LCA5L: variants seen among roughly 807,000 people sequenced by gnomAD.
The protein encoded by LCA5L is lebercilin LCA5 like, also known as lebercilin-like protein.
In LCA5L, 35 loss-of-function variants were observed where a neutral mutation model predicts 45.4. The ratio of observed to expected loss-of-function variants is 0.77; its 90% CI spans 0.59 to 1.02. The LOEUF is 1.02. LCA5L is among the 50% of genes least tolerant of loss of function. LCA5L has a pLI of 0.00. For missense variants in LCA5L, 668 were observed against 761.6 expected, an observed-to-expected ratio of 0.88 and a Z score of 1.45; for synonymous variants, 233 against 264.7, an observed-to-expected ratio of 0.88 and a Z score of 1.16.
chr21:39,431,488 A>C (rs2075714302), intron 3 of LCA5L, among the ~76,000 whole-genome samples: 1 of 151,676 alleles, frequency 6.6e-6, no homozygotes, highest in Non-Finnish European at 1.5e-5. Context: ...TTGTTGGTGG[A>C]ATGGATGAGT....
At chr21:39,415,949 G>A (rs2041070678) in intron 7 of LCA5L, among the ~76,000 whole-genome samples, 1 of 152,136 alleles carries the variant, frequency 6.6e-6, no homozygotes, top group Admixed American at 6.5e-5. Context: ...GCATGAGTAG[G>A]TGGTGGTGTG....
At chr21:39,426,949 A>T (rs1310370123) in intron 5 of LCA5L, among the ~76,000 whole-genome samples, 5 of 152,252 alleles carry the variant, frequency 3.3e-5, no homozygotes, top group African/African-American at 1.2e-4. Flanking sequence ...ACACACATAG[A>T]CACAAAAAAA....
At chr21:39,443,058 G>C (rs1341384313) in intron 2 of LCA5L, among the ~76,000 whole-genome samples, 1 of 152,194 alleles carries the variant, frequency 6.6e-6, no homozygotes, top group Non-Finnish European at 1.5e-5. Flanking sequence ...AGAGTGAAAT[G>C]GGGGCAGCAG....
intron 5 of LCA5L, chr21:39,427,771 C>T (rs1050673755): frequency 6.5e-6 from 1 of 154,026 alleles, no homozygotes; most frequent in Non-Finnish European, 1.4e-5. Flanking sequence ...GACTTGGAGA[C>T]CATCCTCTTG....
rs745570499 is a variant in LCA5L at position 39,420,729 on chromosome 21, T to C, written c.952A>G (p.Lys318Glu). 3.1e-6 allele frequency: 5 copies of C among 1,612,524 alleles called. No homozygotes were observed. The South Asian group carries it at 4.4e-5, about 14-fold the overall frequency. Residue 318 changes from lysine to glutamate, a missense_variant, in exon 7 of 11, where the codon AAA becomes GAA. Transcript: ENST00000288350. ...ACCTTAAGTTTTTGTTGAAGGTGTT[T>C]TACTTCCACCTGCAGAGTCTTGGTA... ...TATKTLQVEV[K>E]HLQQKLKEKD... is the part of the protein sequence containing the mutation.
At chr21:39,419,960 CTAAGA>C (rs1194569994) in intron 7 of LCA5L, among the ~76,000 whole-genome samples, 1 of 152,022 alleles carries the variant, frequency 6.6e-6, no homozygotes, top group African/African-American at 2.4e-5. Flanking sequence ...TTAAGTAAAA[CTAAGA>C]TAAATTTATG....
At chr21:39,416,561 G>A (rs1370411186) in intron 7 of LCA5L, among the ~76,000 whole-genome samples, 1 of 152,078 alleles carries the variant, frequency 6.6e-6, no homozygotes, top group African/African-American at 2.4e-5. Context: ...GGGTGCTGGA[G>A]GTGTTCATTG....
intron 10 of LCA5L, among the ~76,000 whole-genome samples, chr21:39,407,473 C>T (rs867895948): frequency 7.9e-5 from 12 of 152,230 alleles, no homozygotes; most frequent in African/African-American, 2.9e-4. Flanking sequence ...AACGAACCTA[C>T]AAAAAATAGA....
At chr21:39,420,570 G>T in intron 7 of LCA5L, 136 bp downstream of exon 7, 1 of 557,074 alleles carries the variant, frequency 1.8e-6, no homozygotes, top group Non-Finnish European at 2.9e-6. Context: ...TGGGGGCCCA[G>T]GCCCCCTACA....
chr21:39,414,713 C>CCTCTCTCTCTCT (rs147915021), intron 7 of LCA5L, among the ~76,000 whole-genome samples: 1 of 119,882 alleles, frequency 8.3e-6, no homozygotes, highest in African/African-American at 3.3e-5. Context: ...TGGTTCTCTC[C>CCTCTCTCTCTCT]CTCTCTCTCT....
chr21:39,428,310 T>G lies in LCA5L; in HGVS notation c.184A>C (p.Ser62Arg). 1 of 1,613,438 alleles carries G rather than the reference T, an allele frequency of 6.2e-7. No individual in the cohort carries two copies. The highest frequency in any genetic ancestry group is 8.5e-7 in the Non-Finnish European group (1 of 1,179,596). ...SRSQCSCGSL[S>R]SQYDYSEDFL... is the part of the protein sequence containing the mutation. ...TCTTCTGAATAATCATACTGAGAAC[T>G]TAAACTTCCACAGGAGCACTGAGAT... Residue 62 changes from serine to arginine, a missense_variant, in exon 5 of 11, where the codon AGT becomes CGT. Physicochemically the swap from Ser to Arg is moderately radical, Grantham distance 110. Transcript: ENST00000288350.
intron 3 of LCA5L, among the ~76,000 whole-genome samples, chr21:39,433,414 CAAAAAAAA>C (rs765560945): frequency 4.8e-5 from 3 of 62,788 alleles, no homozygotes; most frequent in African/African-American, 1.6e-4. Flanking sequence ...AACTCTGTCT[CAAAAAAAA>C]AAAAAAAAAA....
chr21:39,444,070 G>T (rs1285486499), intron 2 of LCA5L, 65 bp downstream of exon 2: 2 of 151,936 alleles, frequency 1.3e-5, no homozygotes, highest in African/African-American at 4.8e-5. Context: ...ATTGGCTAGG[G>T]GCCTTAGCTC....
rs549808891 is a variant in LCA5L, at chr21:39,420,358, CT to C, written c.975+347del. 1.5e-3 allele frequency among the ~76,000 whole-genome samples: 225 copies of C among 152,084 alleles called. 1 individual carries two copies. The highest frequency in any genetic ancestry group is 5.1e-3 in the African/African-American group (213 of 41,498). On this transcript the variant is annotated intron_variant, in intron 7 of 10. Transcript: ENST00000288350. The stretch of plus-strand genomic sequence containing the variant: ...CCAACACGGCAAAAGCCCGTCTCTA[CT>C]AAAAATAACAAAAATTAGCCAAGCG...
At chr21:39,428,135 A>C in intron 5 of LCA5L, 37 bp downstream of exon 5, 1 of 1,202,902 alleles carries the variant, frequency 8.3e-7, no homozygotes, top group Non-Finnish European at 1.2e-6. Context: ...TCATTATGAC[A>C]GAAATTTGGT....
chr21:39,422,922 C>T (rs1033132562), intron 6 of LCA5L, 54 bp downstream of exon 6: 60 of 1,523,650 alleles, frequency 3.9e-5, no homozygotes, highest in Middle Eastern at 1.8e-4. Flanking sequence ...TAATTCACAC[C>T]CTCTCTCTAT....
rs376657304 is a variant in LCA5L, at chr21:39,428,334, A to C, written c.160T>G (p.Ser54Ala). Residue 54 changes from serine to alanine, a missense_variant, in exon 5 of 11, where the codon TCT becomes GCT. Coordinates refer to ENST00000288350, the MANE Select transcript of LCA5L (RefSeq NM_152505.4). Reference protein sequence around the residue: ...ASNKSVDYSRSQCSCGSLSSQ... With the variant: ...ASNKSVDYSRAQCSCGSLSSQ... ...CTTAAACTTCCACAGGAGCACTGAG[A>C]TCTGCTATAATCAACACTCTTATTG... The C allele has an allele frequency of 2.2e-5, 36 of 1,613,606 alleles. 1 individual carries two copies. The highest frequency in any genetic ancestry group is 3.1e-5 in the Non-Finnish European group (36 of 1,179,886).
intron 7 of LCA5L, among the ~76,000 whole-genome samples, chr21:39,418,015 C>T (rs1655156293): frequency 1.3e-5 from 2 of 152,200 alleles, no homozygotes; most frequent in African/African-American, 2.4e-5. Context: ...ATCCACCCAC[C>T]TTGGCCTCCC....
chr21:39,437,663 G>C (rs1373452052), intron 2 of LCA5L, among the ~76,000 whole-genome samples: 1 of 152,050 alleles, frequency 6.6e-6, no homozygotes, highest in Non-Finnish European at 1.5e-5. Flanking sequence ...TGTTGCCCAG[G>C]CTAGTCTCAA....
Sources: gnomAD v4.1 joint callset for allele counts (sites outside exome capture counted in the v4.1 genomes callset) on GRCh38, gnomAD v4.1.1 for gene constraint, MANE v1.5 for transcripts, NCBI Gene and HGNC (gene_info 2026-07-23, HGNC 2026-07-21) for gene names.